The following MGST1 variants were observed in gnomAD, a reference collection of about 807,000 sequenced individuals.
MGST1 encodes microsomal glutathione S-transferase 1.
Under a neutral mutation model 8.9 loss-of-function variants are expected in MGST1, and 5 were observed. The ratio of observed to expected loss-of-function variants is 0.56; its 90% confidence interval spans 0.29 to 1.19. The LOEUF is 1.19. MGST1 is among the 50% of genes most tolerant of loss of function. The pLI, the probability that MGST1 is intolerant of heterozygous loss-of-function variation, is 0.08. For synonymous variants in MGST1, 54 were observed against 67.8 expected, an observed-to-expected ratio of 0.80 and a Z score of 1.00; for missense variants, 182 against 187.4, an observed-to-expected ratio of 0.97 and a Z score of 0.17.
At chr12:16,423,791 A>C (rs1006991131) in intron 1 of MGST1, among the ~76,000 whole-genome samples, 2 of 152,178 alleles carry the variant, frequency 1.3e-5, no homozygotes, top group Non-Finnish European at 2.9e-5. Context: ...AAGGTAAGTC[A>C]ATTCTATGCT....
chr12:16,551,352 T>C (rs1565477658), intron 4 of MGST1: 11 of 1,356,770 alleles, frequency 8.1e-6, no homozygotes, highest in Non-Finnish European at 1.2e-5. Flanking sequence ...AACAATAAAA[T>C]GTGGTTAAGA....
At chr12:16,484,163 C>G (rs1445412415) in intron 4 of MGST1, among the ~76,000 whole-genome samples, 4 of 152,276 alleles carry the variant, frequency 2.6e-5, no homozygotes, top group Non-Finnish European at 4.4e-5. Flanking sequence ...ATCATGAGCA[C>G]TCTTCAGAGT....
At chr12:16,554,077 A>G (rs1333837642) in intron 4 of MGST1, among the ~76,000 whole-genome samples, 2 of 152,184 alleles carry the variant, frequency 1.3e-5, no homozygotes, top group Admixed American at 6.5e-5. Flanking sequence ...AAACCATCTA[A>G]TTCTGATGTT....
chr12:16,446,601 G>A (rs986599593), intron 4 of MGST1, among the ~76,000 whole-genome samples: 12 of 151,866 alleles, frequency 7.9e-5, no homozygotes, highest in African/African-American at 2.9e-4. Context: ...TACCAGTCCT[G>A]TGTTAATTGA....
At chr12:16,563,040 C>T (rs1942456415) in intron 4 of MGST1, among the ~76,000 whole-genome samples, 2 of 152,182 alleles carry the variant, frequency 1.3e-5, no homozygotes, top group South Asian at 4.1e-4. Context: ...ATAAAATTTT[C>T]TTCTTCCACG....
intron 4 of MGST1, among the ~76,000 whole-genome samples, chr12:16,488,720 T>A (rs951287443): frequency 2.0e-5 from 3 of 152,138 alleles, no homozygotes; most frequent in African/African-American, 7.2e-5. Flanking sequence ...TAAAATTACA[T>A]GATTAATATT....
At chr12:16,459,364 G>A (rs868866870) in intron 4 of MGST1, among the ~76,000 whole-genome samples, 5 of 151,902 alleles carry the variant, frequency 3.3e-5, no homozygotes, top group African/African-American at 1.2e-4. Context: ...GGTACAATGT[G>A]GTGAATGAGG....
chr12:16,358,471 CT>C lies in MGST1; in HGVS notation c.221+785del, dbSNP rs796550483. 2.2e-3 allele frequency among the ~76,000 whole-genome samples: 318 copies of C among 144,410 alleles called. 1 individual carries two copies. Among genetic ancestry groups the C allele is most frequent in the South Asian group, 4.6e-3 (21 of 4,568 alleles). 94.7% of individuals were successfully genotyped at this position (144,410 alleles called of 152,430 possible). A position where few individuals can be genotyped will look rare whatever the true frequency, so the allele number is the denominator to read the frequency against. ...TTGCTGCAAAGGACATGATTTCATT[CT>C]TTTTTTTTTTTTGAGATGGAGTCTC... is the stretch of plus-strand genomic sequence containing the variant. On this transcript the variant is annotated intron_variant, in intron 3 of 3. Coordinates refer to ENST00000396210, the MANE Select transcript of MGST1 (RefSeq NM_020300.5).
chr12:16,412,002 TATAAACTA>T (rs926665009), intron 1 of MGST1, among the ~76,000 whole-genome samples: 5 of 152,196 alleles, frequency 3.3e-5, no homozygotes, highest in African/African-American at 9.7e-5. Context: ...ATATAAAGTG[TATAAACTA>T]GTGCCTGATA....
In MGST1 at chr12:16,548,599, C is replaced by G. The variant is rs376743170; in HGVS notation, n.483-40929C>G. The G allele has an allele frequency of 1.1e-4, 16 of 152,080 alleles. No homozygotes were observed. Among genetic ancestry groups the G allele is most frequent in the African/African-American group, 1.4e-4 (6 of 41,418 alleles). The allele number at this position is 152,080 out of a possible 1,614,324, so 9.4% of individuals were successfully genotyped here. A position where few individuals can be genotyped will look rare whatever the true frequency, so the allele number is the denominator to read the frequency against. On this transcript the variant is annotated intron_variant and non_coding_transcript_variant, in intron 4 of 4. Coordinates refer to the MGST1 transcript ENST00000538857. The surrounding 1 kb of genome is among the most constrained non-coding windows in gnomAD (Gnocchi z 4.2). Reference sequence around the variant, plus strand: ...CGCTGCTCAGAAATCAAAGCTCCATCGGAGGTGTCCTACTGGAGGCATCAG... The same window carrying G: ...CGCTGCTCAGAAATCAAAGCTCCATGGGAGGTGTCCTACTGGAGGCATCAG...
At chr12:16,485,465 C>T (rs368505867) in intron 4 of MGST1, among the ~76,000 whole-genome samples, 21 of 152,208 alleles carry the variant, frequency 1.4e-4, no homozygotes, top group African/African-American at 5.1e-4. Context: ...AAGATTTGAC[C>T]ATATTGGGAT....
intron 1 of MGST1, among the ~76,000 whole-genome samples, chr12:16,405,243 AGGAGCT>A (rs1263769241): frequency 6.6e-6 from 1 of 152,094 alleles, no homozygotes; most frequent in African/African-American, 2.4e-5. Context: ...TAGCAAATCT[AGGAGCT>A]GGTTTCGTGG....
At chr12:16,405,747 G>T (rs550953481) in intron 1 of MGST1, among the ~76,000 whole-genome samples, 1 of 152,144 alleles carries the variant, frequency 6.6e-6, no homozygotes. Flanking sequence ...GAGATGCAAG[G>T]TTGGTCCAAC....
intron 4 of MGST1, among the ~76,000 whole-genome samples, chr12:16,566,869 G>T (rs372911125): frequency 1.3e-5 from 2 of 152,170 alleles, no homozygotes; most frequent in East Asian, 1.9e-4. Flanking sequence ...AAGAGAAGAA[G>T]AATTAAGTTA....
At chr12:16,550,872 C>T (rs1469396558) in intron 4 of MGST1, 1 of 176,210 alleles carries the variant, frequency 5.7e-6, no homozygotes, top group Non-Finnish European at 1.2e-5. Context: ...AAATGGAACA[C>T]AAATGGTAAC....
chr12:16,532,351 C>G (rs1002569390), intron 4 of MGST1, among the ~76,000 whole-genome samples: 1 of 152,078 alleles, frequency 6.6e-6, no homozygotes, highest in Non-Finnish European at 1.5e-5. Context: ...CTCTGAGTCT[C>G]TGTCAAAGAA....
chr12:16,386,718 C>T (rs1940507162), intron 1 of MGST1, among the ~76,000 whole-genome samples: 1 of 152,138 alleles, frequency 6.6e-6, no homozygotes, highest in South Asian at 2.1e-4. Flanking sequence ...CTCAGTTTTC[C>T]TTTCTGCAAT....
In MGST1 at chr12:16,500,923, G is replaced by A. The variant is rs925046743; in HGVS notation, n.483-88605G>A. 5.3e-5 allele frequency among the ~76,000 whole-genome samples: 8 copies of A among 151,992 alleles called. No individual in the cohort carries two copies. The highest frequency in any genetic ancestry group is 1.9e-4 in the African/African-American group (8 of 41,378). ...GATCGAGACCATCCTGGCCAAAATG[G>A]TGAAACCCTGTCTGTGCTGAAAATA... On this transcript the variant is annotated intron_variant and non_coding_transcript_variant, in intron 4 of 4. Coordinates refer to the MGST1 transcript ENST00000538857. The surrounding 1 kb of genome is among the most constrained non-coding windows in gnomAD (Gnocchi z 4.3).
intron 4 of MGST1, among the ~76,000 whole-genome samples, chr12:16,525,050 C>A (rs1415171462): frequency 6.6e-6 from 1 of 150,638 alleles, no homozygotes; most frequent in African/African-American, 2.4e-5. Flanking sequence ...TTTTTTTTAT[C>A]AATATGTCTC....
Sources: allele counts gnomAD v4.1 joint callset (sites outside exome capture counted in the v4.1 genomes callset), GRCh38; gene constraint gnomAD v4.1.1; non-coding constraint Gnocchi (gnomAD v3.1); transcripts MANE v1.5; gene names NCBI Gene and HGNC (gene_info 2026-07-23, HGNC 2026-07-21).